Variants in IMPG2 observed in about 807,000 individuals in gnomAD.
The protein encoded by IMPG2 is IPM 200.
A neutral mutation model predicts 129.2 loss-of-function variants in IMPG2; 91 were observed. The ratio of observed to expected loss-of-function variants is 0.70; its 90% CI spans 0.59 to 0.84. IMPG2 has a LOEUF of 0.84. Among genes scored for constraint, IMPG2 ranks in the 40% least tolerant of loss-of-function variants. IMPG2 has a pLI of 0.00. For missense variants in IMPG2, 1,430 were observed against 1,461.7 expected (o/e 0.98, Z 0.35); for synonymous variants, 510 against 517.7 (o/e 0.99, Z 0.20).
chr3:101,227,138 A>T (rs113649855), intron 18 of IMPG2, among the ~76,000 whole-genome samples, 157 bp from the exon 19 acceptor site: 2 of 152,170 alleles, frequency 1.3e-5, no homozygotes, highest in Non-Finnish European at 2.9e-5. Context: ...CTGTGCTAAA[A>T]ATTTTTTTAA....
intron 6 of IMPG2, among the ~76,000 whole-genome samples, chr3:101,274,666 G>C (rs503669): frequency 6.6e-6 from 1 of 152,224 alleles, no homozygotes. Flanking sequence ...GGATATTAAC[G>C]TTCCAATTGA....
intron 10 of IMPG2, among the ~76,000 whole-genome samples, 156 bp from the exon 11 acceptor site, chr3:101,253,937 C>G (rs931966421): frequency 9.2e-5 from 14 of 152,056 alleles, no homozygotes; most frequent in Non-Finnish European, 1.3e-4. Flanking sequence ...TTACTTTATT[C>G]AGATATTTTA....
intron 4 of IMPG2, among the ~76,000 whole-genome samples, chr3:101,289,252 T>C (rs1706979705): frequency 6.6e-6 from 1 of 152,170 alleles, no homozygotes; most frequent in Non-Finnish European, 1.5e-5. Context: ...GTTGTTGTTA[T>C]TGTAATAATT....
intron 2 of IMPG2, among the ~76,000 whole-genome samples, chr3:101,306,779 G>A (rs1437053899): frequency 6.6e-6 from 1 of 152,072 alleles, no homozygotes; most frequent in Non-Finnish European, 1.5e-5. Flanking sequence ...ATACTATGAA[G>A]TTTCTAAAAT....
chr3:101,293,638 G>C (rs1041699755), intron 3 of IMPG2, among the ~76,000 whole-genome samples: 1 of 152,162 alleles, frequency 6.6e-6, no homozygotes, highest in East Asian at 1.9e-4. Flanking sequence ...TTGAAGCCAG[G>C]TATTGACTTC....
At chr3:101,319,307 A>C (rs1313301604) in intron 2 of IMPG2, among the ~76,000 whole-genome samples, 1 of 152,150 alleles carries the variant, frequency 6.6e-6, no homozygotes, top group Admixed American at 6.6e-5. Context: ...ACAAACTCAA[A>C]TCATGAAAGC....
chr3:101,314,176 C>T (rs558496205), intron 2 of IMPG2, among the ~76,000 whole-genome samples: 1 of 152,034 alleles, frequency 6.6e-6, no homozygotes, highest in African/African-American at 2.4e-5. Context: ...TATTATTATT[C>T]CCATTTCAAG....
At chr3:101,237,660 G>T (rs1366638296) in intron 14 of IMPG2, among the ~76,000 whole-genome samples, 1 of 152,082 alleles carries the variant, frequency 6.6e-6, no homozygotes, top group Non-Finnish European at 1.5e-5. Context: ...CAAACAGAAA[G>T]GAATAGCATC....
chr3:101,240,058 G>T (rs1192917155), intron 14 of IMPG2, among the ~76,000 whole-genome samples: 6 of 151,386 alleles, frequency 4.0e-5, no homozygotes, highest in African/African-American at 1.5e-4. Flanking sequence ...CCCAGGACTT[G>T]AAGTATAATA....
intron 2 of IMPG2, among the ~76,000 whole-genome samples, chr3:101,307,405 T>C (rs992125050): frequency 6.6e-6 from 1 of 152,158 alleles, no homozygotes; most frequent in African/African-American, 2.4e-5. Context: ...ACTGGGTACT[T>C]TATAAAGGAA....
intron 2 of IMPG2, among the ~76,000 whole-genome samples, chr3:101,313,999 G>A (rs2058770203): frequency 6.6e-6 from 1 of 152,010 alleles, no homozygotes. Flanking sequence ...ATGAAAAAAT[G>A]TGAAATCCTT....
intron 9 of IMPG2, among the ~76,000 whole-genome samples, chr3:101,264,946 T>C (rs1038053211): frequency 6.6e-6 from 1 of 151,562 alleles, no homozygotes; most frequent in African/African-American, 2.4e-5. Context: ...CCATTTACAA[T>C]AGCTACAAGA....
chr3:101,227,323 A>AAT (rs1706235534), intron 18 of IMPG2, among the ~76,000 whole-genome samples: 1 of 152,244 alleles, frequency 6.6e-6, no homozygotes, highest in Non-Finnish European at 1.5e-5. Context: ...CTAAGGTTAC[A>AAT]GAGCCTGTGT....
intron 4 of IMPG2, among the ~76,000 whole-genome samples, chr3:101,278,391 T>C (rs761550646): frequency 3.3e-5 from 5 of 152,188 alleles, no homozygotes; most frequent in Non-Finnish European, 5.9e-5. Context: ...TAGATCAACC[T>C]ACTGCTCTAA....
intron 4 of IMPG2, among the ~76,000 whole-genome samples, chr3:101,286,703 C>T (rs485130): frequency 0.73 from 110,279 of 152,090 alleles, 40,946 homozygotes; most frequent in East Asian, 0.84. Flanking sequence ...GATGGAAAAC[C>T]TTCTCTTCAC....
intron 4 of IMPG2, among the ~76,000 whole-genome samples, chr3:101,281,668 T>C (rs941324843): frequency 6.6e-6 from 1 of 152,192 alleles, no homozygotes; most frequent in Non-Finnish European, 1.5e-5. Context: ...CAAGTAGAAT[T>C]AAGCTTGCTA....
chr3:101,312,711 CAA>C (rs1707280979), intron 2 of IMPG2, among the ~76,000 whole-genome samples: 1 of 151,938 alleles, frequency 6.6e-6, no homozygotes, highest in Non-Finnish European at 1.5e-5. Context: ...CATTGACTGA[CAA>C]ATGTGATCTA....
chr3:101,254,574 G>A (rs953250763), intron 10 of IMPG2, among the ~76,000 whole-genome samples: 3 of 152,046 alleles, frequency 2.0e-5, no homozygotes, highest in Admixed American at 1.3e-4. Flanking sequence ...CAGAAGTAGA[G>A]TCTCTTTATC....
chr3:101,297,711 G>T (rs1011875222), intron 3 of IMPG2, among the ~76,000 whole-genome samples: 3 of 152,198 alleles, frequency 2.0e-5, no homozygotes, highest in African/African-American at 7.2e-5. Flanking sequence ...ATGTGGTTTT[G>T]AGTGAGTTTC....
Sources: gnomAD v4.1 joint callset for allele counts (sites outside exome capture counted in the v4.1 genomes callset) on GRCh38, gnomAD v4.1.1 for gene constraint, MANE v1.5 for transcripts, NCBI Gene and HGNC (gene_info 2026-07-23, HGNC 2026-07-21) for gene names.